The following SLC44A3 variants were observed in gnomAD, a reference collection of about 807,000 sequenced individuals.
SLC44A3 encodes the protein choline transporter-like protein 3.
SLC44A3 carries 74 observed loss-of-function variants against 75.4 expected under a neutral mutation model. That is an observed-to-expected ratio of 0.98 (90% CI 0.81 to 1.19). SLC44A3 has a LOEUF of 1.19. Ranked by LOEUF, SLC44A3 falls within the 50% of genes most tolerant of loss-of-function variation. SLC44A3 has a pLI of 0.00. For synonymous variants in SLC44A3, 310 were observed against 296.9 expected (o/e 1.04, Z -0.45); for missense variants, 700 against 778.6 (o/e 0.90, Z 1.20).
chr1:94,827,458 A>G lies in SLC44A3; in HGVS notation c.279-49A>G. ...TTTTTTAAGGCCCACAATTAAGACC[A>G]GTGAGAAGCAATGCTCTAACACATT... On this transcript the variant is annotated intron_variant, in intron 3 of 14. Transcript: ENST00000271227. 3 of 1,609,042 alleles carry G rather than the reference A, an allele frequency of 1.9e-6. No individual in the cohort carries two copies. The South Asian group carries it at 3.3e-5, about 18-fold the overall frequency.
At chr1:94,831,324 T>C (rs930476527) in intron 5 of SLC44A3, among the ~76,000 whole-genome samples, 3 of 152,116 alleles carry the variant, frequency 2.0e-5, no homozygotes, top group African/African-American at 7.2e-5. Flanking sequence ...CACAAGCAAG[T>C]GTTTGTTTAA....
At chr1:94,824,380 CT>C (rs1241050204) in intron 2 of SLC44A3, 112 bp from the exon 3 acceptor site, 6 of 1,300,868 alleles carry the variant, frequency 4.6e-6, no homozygotes, top group Non-Finnish European at 6.2e-6. Context: ...CGCTATGATG[CT>C]GGAGAGCTTC....
intron 5 of SLC44A3, among the ~76,000 whole-genome samples, chr1:94,834,773 C>T (rs1262491201): frequency 1.3e-5 from 2 of 152,216 alleles, no homozygotes; most frequent in African/African-American, 4.8e-5. Flanking sequence ...GCATGAGCCA[C>T]TGCTCCCGGT....
At chr1:94,863,221 G>A (rs1039625429) in intron 10 of SLC44A3, among the ~76,000 whole-genome samples, 6 of 152,078 alleles carry the variant, frequency 3.9e-5, no homozygotes, top group South Asian at 2.1e-4. Context: ...TCTTCTTCCA[G>A]CCAAGCCAGG....
intron 3 of SLC44A3, among the ~76,000 whole-genome samples, chr1:94,827,245 A>C (rs2100939879): frequency 6.6e-6 from 1 of 152,336 alleles, no homozygotes; most frequent in African/African-American, 2.4e-5. Context: ...TTTCTCAGGT[A>C]ACTCCCTAGT....
chr1:94,872,595 C>A (rs972496398), intron 12 of SLC44A3, among the ~76,000 whole-genome samples: 2 of 152,158 alleles, frequency 1.3e-5, no homozygotes, highest in Non-Finnish European at 2.9e-5. Flanking sequence ...TCAGGTATAG[C>A]AGCAGTTTGC....
chr1:94,891,242 G>A lies in SLC44A3; in HGVS notation c.1595G>A (p.Gly532Glu). Residue 532 changes from glycine to glutamate, a missense_variant, in exon 13 of 15, where the codon GGA becomes GAA. Physicochemically the swap from Gly to Glu is moderately conservative, Grantham distance 98. Transcript: ENST00000271227. ...CACTTTACATCTATTAACTGCTTTG[G>A]AGACTTCATAATTTTTCTAGGAAAG... Reference protein sequence around the residue: ...SSHFTSINCFGDFIIFLGKVL... With the variant: ...SSHFTSINCFEDFIIFLGKVL... 5 of 1,609,106 alleles carry A rather than the reference G, an allele frequency of 3.1e-6. No individual in the cohort carries two copies. The highest frequency in any genetic ancestry group is 4.2e-6 in the Non-Finnish European group (5 of 1,178,528).
At chr1:94,892,875 A>G (rs554669001) in intron 14 of SLC44A3, among the ~76,000 whole-genome samples, 1 of 152,308 alleles carries the variant, frequency 6.6e-6, no homozygotes, top group South Asian at 2.1e-4. Flanking sequence ...TAGAAGTTTA[A>G]CAGTTGATCT....
chr1:94,864,408 G>A (rs1270013051), intron 10 of SLC44A3, among the ~76,000 whole-genome samples: 2 of 152,168 alleles, frequency 1.3e-5, no homozygotes, highest in Non-Finnish European at 2.9e-5. Context: ...CTTGGAGATT[G>A]TGCCGCAATT....
chr1:94,841,938 G>T lies in SLC44A3; in HGVS notation c.761-62G>T. On this transcript the variant is annotated intron_variant, in intron 7 of 14. Coordinates refer to ENST00000271227, the MANE Select transcript of SLC44A3 (RefSeq NM_001114106.3). ...GGCTGGACTTCCTGTGTGATTCTGT[G>T]TGCTGGGGAAAGGTTACCTCATGGC... The T allele has an allele frequency of 2.0e-6, 3 of 1,535,592 alleles. No individual in the cohort carries two copies. The Admixed American group carries it at 6.3e-5, about 32-fold the overall frequency.
At chr1:94,821,182 C>A in intron 2 of SLC44A3, 126 bp downstream of exon 2, 1 of 763,478 alleles carries the variant, frequency 1.3e-6, no homozygotes, top group Non-Finnish European at 2.1e-6. Flanking sequence ...CCACAATAAA[C>A]ATCAGTTTGT....
chr1:94,886,889 C>T (rs901302285), intron 12 of SLC44A3, among the ~76,000 whole-genome samples: 14 of 152,040 alleles, frequency 9.2e-5, no homozygotes, highest in Non-Finnish European at 1.6e-4. Context: ...AATCCTTCCT[C>T]GTATCTGTCT....
At chr1:94,873,712 T>G (rs1312193638) in intron 12 of SLC44A3, among the ~76,000 whole-genome samples, 1 of 152,214 alleles carries the variant, frequency 6.6e-6, no homozygotes, top group African/African-American at 2.4e-5. Context: ...CAATGACTTT[T>G]CCACATCAGG....
chr1:94,831,690 T>G (rs1032280499), intron 5 of SLC44A3, among the ~76,000 whole-genome samples: 4 of 152,226 alleles, frequency 2.6e-5, no homozygotes, highest in Non-Finnish European at 5.9e-5. Flanking sequence ...CCCCAGTAAA[T>G]TCTAGTTCTA....
At chr1:94,864,926 C>A (rs201812850) in intron 11 of SLC44A3, 27 bp downstream of exon 11, 1 of 1,606,682 alleles carries the variant, frequency 6.2e-7, no homozygotes, top group Non-Finnish European at 8.5e-7. Context: ...ATACACAGCA[C>A]GTTCTGTGTT....
chr1:94,868,829 T>C (rs908928250), intron 12 of SLC44A3, among the ~76,000 whole-genome samples: 1 of 152,274 alleles, frequency 6.6e-6, no homozygotes, highest in African/African-American at 2.4e-5. Context: ...CCCCTCTCAC[T>C]GTACTACGGG....
At chr1:94,848,920 G>A (rs978829925) in intron 9 of SLC44A3, among the ~76,000 whole-genome samples, 6 of 152,102 alleles carry the variant, frequency 3.9e-5, no homozygotes, top group African/African-American at 1.2e-4. Context: ...GAGGCAAAGG[G>A]GGATGCAGCA....
At chr1:94,823,043 G>T (rs535325436) in intron 2 of SLC44A3, among the ~76,000 whole-genome samples, 81 of 152,106 alleles carry the variant, frequency 5.3e-4, no homozygotes, top group South Asian at 4.2e-4. Flanking sequence ...TATTAGGAGG[G>T]ACTCAGGAAT....
chr1:94,875,051 C>A (rs1668133616), intron 12 of SLC44A3, among the ~76,000 whole-genome samples: 1 of 152,218 alleles, frequency 6.6e-6, no homozygotes, highest in Non-Finnish European at 1.5e-5. Context: ...ACCAACCCAC[C>A]TTTTACCAGG....
Sources: allele counts gnomAD v4.1 joint callset (sites outside exome capture counted in the v4.1 genomes callset), GRCh38; gene constraint gnomAD v4.1.1; transcripts MANE v1.5; gene names NCBI Gene and HGNC (gene_info 2026-07-23, HGNC 2026-07-21).